Variants in BRINP1 observed in about 807,000 individuals in gnomAD.
The protein encoded by BRINP1 is BMP/retinoic acid-inducible neural-specific protein 1.
A neutral mutation model predicts 72.9 loss-of-function variants in BRINP1; 17 were observed. The observed-to-expected ratio is 0.23, with a 90% confidence interval of 0.16 to 0.35. The LOEUF (loss-of-function observed/expected upper bound fraction) is 0.35, where lower values mean the gene tolerates loss of function less well. BRINP1 is among the 10% of genes least tolerant of loss of function. The pLI is 1.00. For missense variants in BRINP1, 850 were observed against 1,001.6 expected (o/e 0.85, Z 2.04); for synonymous variants, 418 against 378.5 (o/e 1.10, Z -1.21).
intron 3 of BRINP1, among the ~76,000 whole-genome samples, chr9:119,245,687 G>C (rs1564227340): frequency 6.6e-6 from 1 of 152,098 alleles, no homozygotes; most frequent in Non-Finnish European, 1.5e-5. Flanking sequence ...TCTTCCTAAA[G>C]AGTGAAACAA....
chr9:119,315,386 T>C (rs1366249597), intron 1 of BRINP1, among the ~76,000 whole-genome samples: 1 of 152,112 alleles, frequency 6.6e-6, no homozygotes, highest in African/African-American at 2.4e-5. Flanking sequence ...ACTTTGATGT[T>C]ATTATTGTAA....
In BRINP1 at chr9:119,243,099, A is replaced by C. The variant is rs371432551; in HGVS notation, c.410-883T>G. On this transcript the variant is annotated intron_variant, in intron 3 of 7. Transcript: ENST00000265922. The stretch of plus-strand genomic sequence containing the variant: ...TCTGGGGTACATGTGCAGGATGTGC[A>C]GTTTTGTTACATAGGTAAACAAACG... Among the ~76,000 whole-genome samples the C allele has an allele frequency of 7.6e-4, 115 of 152,138 alleles. 3 individuals are homozygous for C. Among genetic ancestry groups the C allele is most frequent in the African/African-American group, 2.7e-3 (110 of 41,502 alleles).
chr9:119,286,094 T>C (rs1406991814), intron 2 of BRINP1, among the ~76,000 whole-genome samples: 1 of 151,998 alleles, frequency 6.6e-6, no homozygotes, highest in Non-Finnish European at 1.5e-5. Context: ...GGAGATACTA[T>C]TATTATTATT....
At chr9:119,262,800 T>A (rs548655181) in intron 2 of BRINP1, among the ~76,000 whole-genome samples, 1 of 152,314 alleles carries the variant, frequency 6.6e-6, no homozygotes, top group South Asian at 2.1e-4. Context: ...TTTACTCATC[T>A]GTAAAATGAA....
At chr9:119,241,920 C>T in intron 4 of BRINP1, 127 bp downstream of exon 4, 1 of 954,548 alleles carries the variant, frequency 1.0e-6, no homozygotes, top group East Asian at 2.4e-5. Flanking sequence ...AAGCAGCTGG[C>T]AGAGGGCATC....
intron 1 of BRINP1, among the ~76,000 whole-genome samples, chr9:119,366,396 C>A (rs1831691153): frequency 6.6e-6 from 1 of 152,050 alleles, no homozygotes; most frequent in African/African-American, 2.4e-5. Context: ...GTTCTGCCTA[C>A]CAGTCACACT....
At chr9:119,198,678 T>TA (rs1326283500) in intron 7 of BRINP1, among the ~76,000 whole-genome samples, 1 of 151,844 alleles carries the variant, frequency 6.6e-6, no homozygotes, top group Non-Finnish European at 1.5e-5. Flanking sequence ...ATTAATTTTT[T>TA]TTTTTTTTTT....
chr9:119,198,758 G>A (rs917186149), intron 7 of BRINP1, among the ~76,000 whole-genome samples: 7 of 150,530 alleles, frequency 4.7e-5, no homozygotes, highest in African/African-American at 1.7e-4. Context: ...TGCAATCTCC[G>A]CCTCCCAGGC....
intron 1 of BRINP1, among the ~76,000 whole-genome samples, chr9:119,361,294 A>C (rs1461991431): frequency 2.0e-5 from 3 of 152,012 alleles, no homozygotes; most frequent in Non-Finnish European, 2.9e-5. Flanking sequence ...TTATCTCCTT[A>C]ATTGTCTTTT....
intron 2 of BRINP1, among the ~76,000 whole-genome samples, chr9:119,250,400 AT>A (rs1393796498): frequency 1.3e-5 from 2 of 152,152 alleles, no homozygotes; most frequent in African/African-American, 2.4e-5. Flanking sequence ...ACGACACCAA[AT>A]TTGGAAGTCC....
At chr9:119,170,778 A>AATC (rs1248174368) in intron 7 of BRINP1, among the ~76,000 whole-genome samples, 13 of 136,842 alleles carry the variant, frequency 9.5e-5, no homozygotes, top group African/African-American at 3.8e-4. Flanking sequence ...CTAACAGCAG[A>AATC]TCTCTCGGCA....
chr9:119,316,278 G>C (rs376029366), intron 1 of BRINP1, among the ~76,000 whole-genome samples: 1 of 152,176 alleles, frequency 6.6e-6, no homozygotes. Flanking sequence ...AGTAGAAACA[G>C]GGTTTCGCCA....
At chr9:119,362,811 T>C (rs1316795995) in intron 1 of BRINP1, among the ~76,000 whole-genome samples, 1 of 152,148 alleles carries the variant, frequency 6.6e-6, no homozygotes, top group African/African-American at 2.4e-5. Context: ...AAATTACTGA[T>C]TAAAAATGGA....
intron 5 of BRINP1, among the ~76,000 whole-genome samples, chr9:119,222,010 C>T (rs1041444801): frequency 1.3e-5 from 2 of 152,122 alleles, no homozygotes; most frequent in African/African-American, 4.8e-5. Context: ...ACTACACATC[C>T]CCACTCTCCA....
At chr9:119,334,124 T>C (rs1032398224) in intron 1 of BRINP1, among the ~76,000 whole-genome samples, 1 of 152,206 alleles carries the variant, frequency 6.6e-6, no homozygotes, top group African/African-American at 2.4e-5. Context: ...GTTAGATGAA[T>C]GGAAGGTTTC....
At chr9:119,305,671 C>G (rs2118988019) in intron 2 of BRINP1, among the ~76,000 whole-genome samples, 1 of 152,248 alleles carries the variant, frequency 6.6e-6, no homozygotes, top group Non-Finnish European at 1.5e-5. Flanking sequence ...TCCTCCTCTC[C>G]TTCCCCAACT....
At chr9:119,220,276 A>G (rs1185349042) in intron 5 of BRINP1, among the ~76,000 whole-genome samples, 1 of 152,188 alleles carries the variant, frequency 6.6e-6, no homozygotes, top group African/African-American at 2.4e-5. Flanking sequence ...GGGACCCTCA[A>G]GTTGGATCTC....
intron 1 of BRINP1, among the ~76,000 whole-genome samples, chr9:119,360,390 C>T (rs982360417): frequency 3.3e-5 from 5 of 152,208 alleles, no homozygotes; most frequent in African/African-American, 1.2e-4. Context: ...CGCCTGTAAA[C>T]TCAGAACCCA....
chr9:119,208,930 A>G lies in BRINP1; in HGVS notation c.934T>C (p.Ser312Pro). Residue 312 changes from serine to proline, a missense_variant, in exon 7 of 8, where the codon TCA becomes CCA. Coordinates refer to ENST00000265922, the MANE Select transcript of BRINP1 (RefSeq NM_014618.3). Reference sequence around the variant, plus strand: ...TTGCTGGGGAGGCGCTTCATAAATGATTTAAACTCATCTAGTGAGAGACAA... The same window carrying G: ...TTGCTGGGGAGGCGCTTCATAAATGGTTTAAACTCATCTAGTGAGAGACAA... ...KDLENSDEFK[S>P]FMKRLPSNHF... 1 of 1,613,712 alleles carries G rather than the reference A, an allele frequency of 6.2e-7. No homozygotes were observed. The highest frequency in any genetic ancestry group is 8.5e-7 in the Non-Finnish European group (1 of 1,179,650).
Sources: gnomAD v4.1 joint callset for allele counts (sites outside exome capture counted in the v4.1 genomes callset) on GRCh38, gnomAD v4.1.1 for gene constraint, MANE v1.5 for transcripts, NCBI Gene and HGNC (gene_info 2026-07-23, HGNC 2026-07-21) for gene names.